MYL12A: variants seen among roughly 807,000 people sequenced by gnomAD.
MYL12A encodes the protein myosin regulatory light chain 12A.
A neutral mutation model predicts 13.3 loss-of-function variants in MYL12A; 11 were observed. That is an observed-to-expected ratio of 0.83 (90% CI 0.52 to 1.37). The LOEUF (loss-of-function observed/expected upper bound fraction) is 1.37, where lower values mean the gene tolerates loss of function less well. Among genes scored for constraint, MYL12A ranks in the 40% most tolerant of loss-of-function variants. The pLI, the probability that MYL12A is intolerant of heterozygous loss-of-function variation, is 0.00. For synonymous variants in MYL12A, 51 were observed against 69.9 expected, an observed-to-expected ratio of 0.73 and a Z score of 1.35; for missense variants, 146 against 212.3, an observed-to-expected ratio of 0.69 and a Z score of 1.94.
intron 1 of MYL12A, chr18:3,248,317 C>G (rs1486250397): frequency 1.3e-5 from 2 of 152,180 alleles, no homozygotes; most frequent in African/African-American, 4.8e-5. Context: ...TAGGAATAAC[C>G]AACTCAAATT....
chr18:3,251,050 T>C (rs1471109827), intron 1 of MYL12A, among the ~76,000 whole-genome samples: 1 of 152,058 alleles, frequency 6.6e-6, no homozygotes, highest in Non-Finnish European at 1.5e-5. Context: ...TGATACATAT[T>C]AGTTTAATTA....
chr18:3,253,849 T>C lies in MYL12A; in HGVS notation c.182-40T>C, dbSNP rs140074955. Reference sequence around the variant, plus strand: ...ACTGTCATTAATAGTTGATATGTATTGTAATGTAATTAAAATTATGACCCC... The same window carrying C: ...ACTGTCATTAATAGTTGATATGTATCGTAATGTAATTAAAATTATGACCCC... On this transcript the variant is annotated intron_variant, in intron 2 of 3. Coordinates refer to ENST00000217652, the MANE Select transcript of MYL12A (RefSeq NM_006471.4). 3,545 of 1,555,584 alleles carry C rather than the reference T, an allele frequency of 2.3e-3. 83 individuals carry two copies. In the African/African-American group the frequency reaches 0.043, roughly 19 times the overall value.
chr18:3,253,015 T>C (rs113482752), intron 1 of MYL12A, among the ~76,000 whole-genome samples: 33 of 152,318 alleles, frequency 2.2e-4, no homozygotes, highest in African/African-American at 7.5e-4. Context: ...TTTATTGTTA[T>C]CAAATCAGCA....
intron 1 of MYL12A, among the ~76,000 whole-genome samples, chr18:3,251,379 CTTTG>C (rs1276994107): frequency 1.3e-5 from 2 of 152,066 alleles, no homozygotes; most frequent in African/African-American, 4.8e-5. Flanking sequence ...TCATCAGTTT[CTTTG>C]TTCTTAAAAT....
Position 3,252,251 on chromosome 18 carries a change from A to G in MYL12A, c.-15-982A>G, listed in dbSNP as rs906783104. On this transcript the variant is annotated intron_variant, in intron 1 of 3. Coordinates refer to ENST00000217652, the MANE Select transcript of MYL12A (RefSeq NM_006471.4). ...ATTTTAGACCTGCTTGGAAGAATAT[A>G]ACTCAATGCAGTGTCTTACTTTTGC... The G allele has an allele frequency of 4.9e-5, 63 of 1,275,694 alleles. No homozygotes were observed. The Admixed American group carries it at 9.8e-4, about 20-fold the overall frequency. The allele number at this position is 1,275,694 out of a possible 1,614,324, so 79.0% of individuals were successfully genotyped here.
intron 3 of MYL12A, among the ~76,000 whole-genome samples, chr18:3,254,895 G>T (rs2081521795): frequency 6.6e-6 from 1 of 152,250 alleles, no homozygotes; most frequent in Non-Finnish European, 1.5e-5. Flanking sequence ...GGTTGCCAGG[G>T]CCTGCTGATG....
In MYL12A at chr18:3,253,434, G is replaced by T; in HGVS notation, c.181+6G>T. On this transcript the variant is annotated splice_donor_region_variant and intron_variant, in intron 2 of 3. Coordinates refer to ENST00000217652, the MANE Select transcript of MYL12A (RefSeq NM_006471.4). ...TGATATGCTTGCTTCATTGGGTAAT[G>T]CTCAGTTTAAATATTAATCTATTGG... The T allele has an allele frequency of 6.2e-7, 1 of 1,612,242 alleles. No homozygotes were observed. The highest frequency in any genetic ancestry group is 1.1e-5 in the South Asian group (1 of 90,902).
chr18:3,253,582 C>T, intron 2 of MYL12A, 154 bp downstream of exon 2: 1 of 951,680 alleles, frequency 1.1e-6, no homozygotes. Context: ...GGATCACCAG[C>T]AGATTCGTGA....
At chr18:3,248,295 G>C (rs1252061721) in intron 1 of MYL12A, 2 of 152,206 alleles carry the variant, frequency 1.3e-5, no homozygotes, top group Non-Finnish European at 2.9e-5. Context: ...GCAGCTGTGT[G>C]GCTGCGTTTA....
intron 1 of MYL12A, among the ~76,000 whole-genome samples, chr18:3,250,521 A>G (rs1274886649): frequency 4.6e-5 from 7 of 152,200 alleles, no homozygotes; most frequent in Non-Finnish European, 1.0e-4. Context: ...TGGAACAGTG[A>G]CTGTGCAGCC....
intron 2 of MYL12A, 85 bp from the exon 3 acceptor site, chr18:3,253,804 T>C (rs1598798269): frequency 7.2e-7 from 1 of 1,392,426 alleles, no homozygotes; most frequent in East Asian, 2.4e-5. Context: ...TGAATGATAA[T>C]CTTTGTTACC....
At position 3,252,396 on chromosome 18, in the gene MYL12A, A is replaced by G; in HGVS notation, c.-15-837A>G. ...AACAAATTTTTGTAGTTTTTAACAGATTGAGTATTGAAAATTGCCTTTTTA... is the reference window on the plus strand; with the variant it reads ...AACAAATTTTTGTAGTTTTTAACAGGTTGAGTATTGAAAATTGCCTTTTTA... On this transcript the variant is annotated intron_variant, in intron 1 of 3. Coordinates refer to ENST00000217652, the MANE Select transcript of MYL12A (RefSeq NM_006471.4). 7 of 1,463,862 alleles carry G rather than the reference A, an allele frequency of 4.8e-6. No individual in the cohort carries two copies. The Admixed American group carries it at 1.3e-4, about 28-fold the overall frequency. 90.7% of individuals were successfully genotyped at this position (1,463,862 alleles called of 1,614,324 possible).
At position 3,250,048 on chromosome 18, in the gene MYL12A, C is replaced by G. The variant is rs1329028507; in HGVS notation, c.-16+2139C>G. 3 of 137,330 alleles carry G rather than the reference C, an allele frequency of 2.2e-5. No individual in the cohort carries two copies. The East Asian group carries it at 6.4e-4, about 29-fold the overall frequency. The allele number at this position is 137,330 out of a possible 1,614,324, so 8.5% of individuals were successfully genotyped here. A position where few individuals can be genotyped will look rare whatever the true frequency, so the allele number is the denominator to read the frequency against. On this transcript the variant is annotated intron_variant, in intron 1 of 3. Coordinates refer to ENST00000217652, the MANE Select transcript of MYL12A (RefSeq NM_006471.4). Reference sequence around the variant, plus strand: ...ATGAAATCTTTTCAATTTATTTTACCCTAGCTTGCTTTTTGTAAAAAGCAA... The same window carrying G: ...ATGAAATCTTTTCAATTTATTTTACGCTAGCTTGCTTTTTGTAAAAAGCAA...
chr18:3,255,463 G>A (rs2081526990), intron 3 of MYL12A: 2 of 282,068 alleles, frequency 7.1e-6, no homozygotes, highest in Non-Finnish European at 1.3e-5. Flanking sequence ...TTATTACTTT[G>A]TTTAGGCATA....
intron 1 of MYL12A, chr18:3,252,588 C>A: frequency 1.4e-6 from 1 of 736,608 alleles, no homozygotes; most frequent in Non-Finnish European, 1.9e-6. Flanking sequence ...TAGATACTTC[C>A]AGTGATTTAG....
chr18:3,251,600 C>A (rs1227697334), intron 1 of MYL12A, among the ~76,000 whole-genome samples: 2 of 152,136 alleles, frequency 1.3e-5, no homozygotes, highest in Non-Finnish European at 2.9e-5. Flanking sequence ...TATTCTATAT[C>A]TCTTTGTATT....
Position 3,256,212 on chromosome 18 carries a change from C to G in MYL12A, c.*294C>G, listed in dbSNP as rs1459427231. ...GTTATTCGCTCGATTTTTTCTGAAT[C>G]ATAATTAAACTTTATGATAAAATAC... On this transcript the variant is annotated 3_prime_UTR_variant, in exon 4 of 4. Transcript: ENST00000217652. 3 of 286,760 alleles carry G rather than the reference C, an allele frequency of 1.0e-5. No homozygotes were observed. The South Asian group carries it at 1.7e-4, about 17-fold the overall frequency. 17.8% of individuals were successfully genotyped at this position (286,760 alleles called of 1,614,324 possible). A position where few individuals can be genotyped will look rare whatever the true frequency, so the allele number is the denominator to read the frequency against.
At chr18:3,252,141 G>GT in intron 1 of MYL12A, 1 of 493,114 alleles carries the variant, frequency 2.0e-6, no homozygotes, top group Non-Finnish European at 3.5e-6. Flanking sequence ...ATGGCATAGT[G>GT]TTTTGCCAGA....
In MYL12A at chr18:3,256,078, CT is replaced by C. The variant is rs1285519784; in HGVS notation, c.*163del. On this transcript the variant is annotated 3_prime_UTR_variant, in exon 4 of 4. Coordinates refer to ENST00000217652, the MANE Select transcript of MYL12A (RefSeq NM_006471.4). ...CTTTATAATCAGACTGGAAACGGGACTTTCTATTAATATCATTTTCAGAATA... is the reference window on the plus strand; with the variant it reads ...CTTTATAATCAGACTGGAAACGGGACTTCTATTAATATCATTTTCAGAATA... The C allele has an allele frequency of 1.1e-6, 1 of 879,474 alleles. No individual in the cohort carries two copies. The highest frequency in any genetic ancestry group is 1.7e-5 in the African/African-American group (1 of 58,332). The allele number at this position is 879,474 out of a possible 1,614,324, so 54.5% of individuals were successfully genotyped here. A position where few individuals can be genotyped will look rare whatever the true frequency, so the allele number is the denominator to read the frequency against.
Sources: allele counts gnomAD v4.1 joint callset (sites outside exome capture counted in the v4.1 genomes callset), GRCh38; gene constraint gnomAD v4.1.1; transcripts MANE v1.5; gene names NCBI Gene and HGNC (gene_info 2026-07-23, HGNC 2026-07-21).